The following UBA2 variants were observed in gnomAD, a reference collection of about 807,000 sequenced individuals.
UBA2 encodes the protein SUMO-activating enzyme subunit 2.
UBA2 carries 11 observed loss-of-function variants against 77.2 expected under a neutral mutation model. The ratio of observed to expected loss-of-function variants is 0.14; its 90% CI spans 0.09 to 0.24. The LOEUF is 0.24. UBA2 is among the 10% of genes least tolerant of loss of function. The pLI is 1.00. For synonymous variants in UBA2, 278 were observed against 276.7 expected (o/e 1.00, Z -0.05); for missense variants, 487 against 781.7 (o/e 0.62, Z 4.50).
chr19:34,439,923 G>C (rs993489757), intron 6 of UBA2, among the ~76,000 whole-genome samples: 1 of 152,030 alleles, frequency 6.6e-6, no homozygotes, highest in Non-Finnish European at 1.5e-5. Context: ...ACTAAACGGG[G>C]AATACAGATA....
At chr19:34,460,646 A>G in intron 14 of UBA2, 80 bp downstream of exon 14, 1 of 1,031,446 alleles carries the variant, frequency 9.7e-7, no homozygotes. Context: ...CATTTACTGT[A>G]TGTGATACTC....
intron 13 of UBA2, among the ~76,000 whole-genome samples, chr19:34,459,149 C>T (rs752785530): frequency 3.9e-5 from 6 of 152,218 alleles, no homozygotes; most frequent in Non-Finnish European, 8.8e-5. Flanking sequence ...CTGGAATCTG[C>T]AGCACAGTGG....
rs1425928561 is a variant in UBA2, at chr19:34,443,904, A to C, written c.642A>C (p.Glu214Asp). 6.2e-7 allele frequency: 1 copy of C among 1,605,960 alleles called. No individual in the cohort carries two copies. The highest frequency in any genetic ancestry group is 1.7e-5 in the Admixed American group (1 of 60,004). ...QEVSPDRADP[E>D]AAWEPTEAEA... ...TATCTCCTGACAGAGCTGACCCTGAAGCTGCCTGTGAGTAAATTATTTGGC... is the reference window on the plus strand; with the variant it reads ...TATCTCCTGACAGAGCTGACCCTGACGCTGCCTGTGAGTAAATTATTTGGC... Residue 214 changes from glutamate to aspartate, a missense_variant, in exon 7 of 17, where the codon GAA (glutamate) becomes GAC (aspartate). This residue lies in a region of UBA2 where 300 missense variants were observed against 454.3 expected (regional missense o/e 0.66). Coordinates refer to ENST00000246548, the MANE Select transcript of UBA2 (RefSeq NM_005499.3).
chr19:34,441,311 C>G (rs1044284184), intron 6 of UBA2, among the ~76,000 whole-genome samples: 1 of 151,858 alleles, frequency 6.6e-6, no homozygotes, highest in Non-Finnish European at 1.5e-5. Context: ...AAAAATTAGC[C>G]GGATGTGGTG....
chr19:34,431,958 G>A (rs773274889), intron 3 of UBA2, 27 bp downstream of exon 3: 2 of 837,554 alleles, frequency 2.4e-6, no homozygotes, highest in East Asian at 3.0e-5. Flanking sequence ...ACATTGCAAA[G>A]TTGTATAAGG....
At chr19:34,438,502 A>G in intron 5 of UBA2, 143 bp from the exon 6 acceptor site, 1 of 1,019,410 alleles carries the variant, frequency 9.8e-7, no homozygotes, top group Non-Finnish European at 1.4e-6. Flanking sequence ...TAAAGTAAGC[A>G]TTTTGGAGTC....
chr19:34,448,826 G>GA (rs1213374363), intron 8 of UBA2, among the ~76,000 whole-genome samples: 1 of 152,128 alleles, frequency 6.6e-6, no homozygotes, highest in East Asian at 1.9e-4. Flanking sequence ...AGGACAGAAT[G>GA]AAAAGATGGT....
chr19:34,447,695 GA>G (rs1486322711), intron 8 of UBA2, among the ~76,000 whole-genome samples: 1 of 152,182 alleles, frequency 6.6e-6, no homozygotes, highest in Non-Finnish European at 1.5e-5. Context: ...GTCAAACTTT[GA>G]ACAATAAATT....
chr19:34,450,811 C>T (rs909656342), intron 9 of UBA2, among the ~76,000 whole-genome samples: 3 of 142,072 alleles, frequency 2.1e-5, no homozygotes, highest in Admixed American at 7.4e-5. Context: ...CGCAGTGGCA[C>T]GATCTCAGCT....
At chr19:34,456,188 C>G (rs533403933) in intron 12 of UBA2, among the ~76,000 whole-genome samples, 4 of 139,906 alleles carry the variant, frequency 2.9e-5, no homozygotes, top group Non-Finnish European at 4.5e-5. Context: ...GATCTCGGCT[C>G]ACTGCAACCT....
rs564212458 is a variant in UBA2, at chr19:34,434,984, A to AT, written c.459+23dup. 7.0e-5 allele frequency: 107 copies of AT among 1,535,330 alleles called. No homozygotes were observed. The African/African-American group carries it at 1.3e-3, about 18-fold the overall frequency. The stretch of plus-strand genomic sequence containing the variant: ...TATCAAAAAGGTAAAGAAAAGTTTT[A>AT]TTTTTTTAACTTCCCAAATATTTAT... On this transcript the variant is annotated intron_variant, in intron 5 of 16. Transcript: ENST00000246548.
intron 12 of UBA2, among the ~76,000 whole-genome samples, chr19:34,456,721 C>G (rs1273356857): frequency 6.6e-6 from 1 of 151,842 alleles, no homozygotes; most frequent in African/African-American, 2.4e-5. Context: ...CCACGCCTGG[C>G]TAATTTTTGT....
intron 14 of UBA2, among the ~76,000 whole-genome samples, chr19:34,463,039 G>A (rs1343295130): frequency 6.6e-6 from 1 of 151,874 alleles, no homozygotes; most frequent in Non-Finnish European, 1.5e-5. Flanking sequence ...GGAGGTTGCA[G>A]TGAGCCAAGA....
chr19:34,438,933 G>T lies in UBA2; in HGVS notation c.581+167G>T, dbSNP rs117907537. The stretch of plus-strand genomic sequence containing the variant: ...TCTTAGGTTAAATGTAGCTGGCCGG[G>T]TGCGGTGGCTCACACCTGTAATCCC... On this transcript the variant is annotated intron_variant, in intron 6 of 16. Coordinates refer to ENST00000246548, the MANE Select transcript of UBA2 (RefSeq NM_005499.3). Among the ~76,000 whole-genome samples, 195 of 152,282 alleles carry T rather than the reference G, an allele frequency of 1.3e-3. No homozygotes were observed. In the East Asian group the frequency reaches 0.027, roughly 21 times the overall value.
At chr19:34,467,688 C>T (rs140912426) in intron 16 of UBA2, among the ~76,000 whole-genome samples, 80 of 152,152 alleles carry the variant, frequency 5.3e-4, no homozygotes, top group East Asian at 1.4e-3. Context: ...AGGCAGGAGG[C>T]GGAGGTTGCA....
chr19:34,429,018 C>G (rs1186342549), intron 1 of UBA2: 2 of 985,076 alleles, frequency 2.0e-6, no homozygotes, highest in Non-Finnish European at 2.4e-6. Context: ...CAACGCGTCC[C>G]GAGCGCTGGT....
At chr19:34,458,101 A>G (rs1264604016) in intron 12 of UBA2, among the ~76,000 whole-genome samples, 1 of 152,196 alleles carries the variant, frequency 6.6e-6, no homozygotes, top group Admixed American at 6.5e-5. Context: ...GAATAGCCTC[A>G]GGGAGGGACA....
At position 34,466,955 on chromosome 19, in the gene UBA2, A is replaced by G. The variant is rs111714009; in HGVS notation, c.1682A>G (p.Asp561Gly). ...PEKVGPKQAE[D>G]AAKSITNGSD... ...AAAGTGGGGCCCAAACAAGCTGAAG[A>G]TGCTGCCAAAAGCATAACCAATGGC... Residue 561 changes from aspartate to glycine, a missense_variant, in exon 16 of 17, where the codon GAT becomes GGT. Physicochemically the swap from Asp to Gly is moderately conservative, Grantham distance 94. This residue lies in a region of UBA2 where 300 missense variants were observed against 454.3 expected (regional missense o/e 0.66). Transcript: ENST00000246548. 1.2e-6 allele frequency: 2 copies of G among 1,614,110 alleles called. No individual in the cohort carries two copies. Among genetic ancestry groups the G allele is most frequent in the Non-Finnish European group, 8.5e-7 (1 of 1,180,034 alleles).
At position 34,442,934 on chromosome 19, in the gene UBA2, T is replaced by A. The variant is rs535881270; in HGVS notation, c.582-910T>A. ...TGGGTGGGGGGTTGTACAAAGGATT[T>A]CTGTAAGATAACTTTCATTAATCAT... On this transcript the variant is annotated intron_variant, in intron 6 of 16. Transcript: ENST00000246548. Among the ~76,000 whole-genome samples, 34 of 152,330 alleles carry A rather than the reference T, an allele frequency of 2.2e-4. 1 individual carries two copies. Among genetic ancestry groups the A allele is most frequent in the African/African-American group, 7.5e-4 (31 of 41,586 alleles).
Sources: gnomAD v4.1 joint callset for allele counts (sites outside exome capture counted in the v4.1 genomes callset) on GRCh38, gnomAD v4.1.1 for gene constraint, gnomAD v4.1.1 regional missense constraint, MANE v1.5 for transcripts, NCBI Gene and HGNC (gene_info 2026-07-23, HGNC 2026-07-21) for gene names.